The following TRAPPC9 variants were observed in gnomAD, a reference collection of about 807,000 sequenced individuals.
The protein encoded by TRAPPC9 is trafficking protein particle complex subunit 9.
TRAPPC9 carries 83 observed loss-of-function variants against 124.0 expected under a neutral mutation model. That is an observed-to-expected ratio of 0.67 (90% CI 0.56 to 0.80). TRAPPC9 has a LOEUF of 0.80. Among genes scored for constraint, TRAPPC9 ranks in the 30% least tolerant of loss-of-function variants. The pLI is 0.00. For synonymous variants in TRAPPC9, 638 were observed against 617.5 expected (o/e 1.03, Z -0.49); for missense variants, 1,302 against 1,508.3 (o/e 0.86, Z 2.27).
chr8:139,894,816 G>C (rs977022490), intron 20 of TRAPPC9, among the ~76,000 whole-genome samples: 6 of 152,246 alleles, frequency 3.9e-5, no homozygotes, highest in African/African-American at 1.2e-4. Flanking sequence ...ATGGGCACAC[G>C]AAGTCACGCT....
chr8:140,234,597 C>A (rs538810915), intron 16 of TRAPPC9, among the ~76,000 whole-genome samples: 1 of 152,318 alleles, frequency 6.6e-6, no homozygotes, highest in East Asian at 1.9e-4. Context: ...GCTTTCTTTG[C>A]TAAACCGTGC....
chr8:139,739,708 T>C (rs1818433386), intron 21 of TRAPPC9, among the ~76,000 whole-genome samples: 1 of 152,264 alleles, frequency 6.6e-6, no homozygotes, highest in Non-Finnish European at 1.5e-5. Flanking sequence ...ATTCATGTAT[T>C]TTCTCATGGC....
chr8:140,090,010 G>A (rs1055534138), intron 17 of TRAPPC9, among the ~76,000 whole-genome samples: 1 of 152,118 alleles, frequency 6.6e-6, no homozygotes, highest in Non-Finnish European at 1.5e-5. Flanking sequence ...AACACGGGAG[G>A]TGGAGGATGC....
intron 19 of TRAPPC9, among the ~76,000 whole-genome samples, chr8:139,910,788 C>T (rs1192522432): frequency 6.6e-6 from 1 of 152,224 alleles, no homozygotes; most frequent in African/African-American, 2.4e-5. Context: ...CCCACAGCCC[C>T]CCCTCAGCTC....
chr8:140,179,197 A>T (rs957943303), intron 17 of TRAPPC9, among the ~76,000 whole-genome samples: 3 of 152,114 alleles, frequency 2.0e-5, no homozygotes, highest in Admixed American at 6.5e-5. Flanking sequence ...CTCCTTTCCC[A>T]GTGTAAGCAT....
intron 6 of TRAPPC9, among the ~76,000 whole-genome samples, chr8:140,400,398 C>T (rs11778051): frequency 0.58 from 88,768 of 152,034 alleles, 26,147 homozygotes; most frequent in Middle Eastern, 0.7. Flanking sequence ...GCTTTGCTAT[C>T]CATTTCTGCT....
At chr8:139,897,093 C>T (rs572489386) in intron 20 of TRAPPC9, among the ~76,000 whole-genome samples, 5 of 152,312 alleles carry the variant, frequency 3.3e-5, no homozygotes, top group Non-Finnish European at 7.3e-5. Context: ...ACGTCCCAGC[C>T]CAGCTCATGT....
At chr8:139,767,923 G>A (rs1321735206) in intron 21 of TRAPPC9, among the ~76,000 whole-genome samples, 1 of 152,160 alleles carries the variant, frequency 6.6e-6, no homozygotes, top group African/African-American at 2.4e-5. Context: ...AATATTTATG[G>A]AGGGCAACCT....
At chr8:140,289,759 C>T (rs777904353) in intron 12 of TRAPPC9, among the ~76,000 whole-genome samples, 8 of 152,192 alleles carry the variant, frequency 5.3e-5, no homozygotes, top group Non-Finnish European at 1.0e-4. Flanking sequence ...CTCTAAACTG[C>T]TTCTCCCTAC....
intron 21 of TRAPPC9, among the ~76,000 whole-genome samples, chr8:139,868,785 G>A (rs946681389): frequency 6.6e-6 from 1 of 152,208 alleles, no homozygotes; most frequent in African/African-American, 2.4e-5. Context: ...TCTAAGCTCT[G>A]AGAATACACT....
intron 17 of TRAPPC9, among the ~76,000 whole-genome samples, chr8:140,157,581 A>C (rs746294295): frequency 2.0e-5 from 3 of 152,250 alleles, no homozygotes; most frequent in Admixed American, 6.5e-5. Context: ...TCTGGGGCTA[A>C]GAATGCAATT....
chr8:140,316,867 G>A (rs988551141), intron 9 of TRAPPC9, among the ~76,000 whole-genome samples: 1 of 152,096 alleles, frequency 6.6e-6, no homozygotes, highest in Non-Finnish European at 1.5e-5. Context: ...TTCTTTGATG[G>A]GAGACTTCTT....
At chr8:140,338,888 C>T in intron 9 of TRAPPC9, among the ~76,000 whole-genome samples, 1 of 62,738 alleles carries the variant, frequency 1.6e-5, no homozygotes, top group Non-Finnish European at 2.8e-5. Flanking sequence ...GGAAACGGCT[C>T]AGAGAAAACC....
intron 7 of TRAPPC9, among the ~76,000 whole-genome samples, chr8:140,385,127 C>T (rs141810105): frequency 0.11 from 17,404 of 152,106 alleles, 1,267 homozygotes; most frequent in Middle Eastern, 0.27. Flanking sequence ...CCAATGAGAA[C>T]AAAGACACAA....
chr8:139,731,866 T>A, intron 22 of TRAPPC9, 113 bp downstream of exon 22: 1 of 997,252 alleles, frequency 1.0e-6, no homozygotes, highest in Non-Finnish European at 1.5e-6. Context: ...ACAGAACCCC[T>A]GCTGCTATCG....
chr8:139,773,656 C>G (rs978500396), intron 21 of TRAPPC9, among the ~76,000 whole-genome samples: 1 of 152,174 alleles, frequency 6.6e-6, no homozygotes, highest in African/African-American at 2.4e-5. Context: ...CAGGCATCTG[C>G]CACCTGCCTC....
intron 19 of TRAPPC9, among the ~76,000 whole-genome samples, chr8:139,977,662 CTCATTCATTCAT>C (rs112071784): frequency 7.1e-6 from 1 of 140,374 alleles, no homozygotes; most frequent in South Asian, 2.4e-4. Flanking sequence ...CTCCCTCCTC[CTCATTCATTCAT>C]TCATTCATTC....
chr8:140,360,185 T>C lies in TRAPPC9; in HGVS notation c.1360A>G (p.Arg454Gly), dbSNP rs1194949731. The C allele has an allele frequency of 6.2e-7, 1 of 1,614,054 alleles. No individual in the cohort carries two copies. The highest frequency in any genetic ancestry group is 1.3e-5 in the African/African-American group (1 of 74,914). Residue 454 changes from arginine (R) to glycine (G), a missense_variant, in exon 9 of 23, where the codon AGA becomes GGA. Around this residue, in one of 3 missense-constraint regions of TRAPPC9, gnomAD observed 657 missense variants for 811.2 expected, o/e 0.81. Transcript: ENST00000438773. ...CGCATCTGGACCGCAGCCCAGCCTC[T>C]GTGCGTGCCTGCGATGGAAGTTACA... ...DPKDFSRGTH[R>G]GWAAVQMRLL...
chr8:140,071,398 T>G (rs1843151404), intron 17 of TRAPPC9, among the ~76,000 whole-genome samples: 1 of 152,214 alleles, frequency 6.6e-6, no homozygotes, highest in Non-Finnish European at 1.5e-5. Flanking sequence ...CAACCAGGCT[T>G]CTTCTGTGGG....
Sources: allele counts gnomAD v4.1 joint callset (sites outside exome capture counted in the v4.1 genomes callset), GRCh38; gene constraint gnomAD v4.1.1; regional missense constraint gnomAD v4.1.1; transcripts MANE v1.5; gene names NCBI Gene and HGNC (gene_info 2026-07-23, HGNC 2026-07-21).